The following NCKAP5 variants were observed in gnomAD, a reference collection of about 807,000 sequenced individuals.
The protein encoded by NCKAP5 is nck-associated protein 5.
A neutral mutation model predicts 167.0 loss-of-function variants in NCKAP5; 92 were observed. The observed-to-expected ratio is 0.55, with a 90% CI of 0.47 to 0.66. The LOEUF (loss-of-function observed/expected upper bound fraction) is 0.66. NCKAP5 is among the 30% of genes least tolerant of loss of function. The pLI is 0.00. For missense variants in NCKAP5, 2,378 were observed against 2,315.0 expected, an observed-to-expected ratio of 1.03 and a Z score of -0.56; for synonymous variants, 891 against 877.4, an observed-to-expected ratio of 1.02 and a Z score of -0.27.
chr2:132,987,745 T>G (rs1279734511), intron 7 of NCKAP5, among the ~76,000 whole-genome samples: 2 of 152,194 alleles, frequency 1.3e-5, no homozygotes, highest in Non-Finnish European at 2.9e-5. Context: ...TTAACCTCTC[T>G]ATGCTCTCCA....
chr2:133,465,343 AT>A (rs1275221838), intron 3 of NCKAP5, among the ~76,000 whole-genome samples: 1 of 151,904 alleles, frequency 6.6e-6, no homozygotes, highest in African/African-American at 2.4e-5. Flanking sequence ...TGAACTCATC[AT>A]TTTTTATGGC....
intron 3 of NCKAP5, among the ~76,000 whole-genome samples, chr2:133,328,403 A>G (rs989967931): frequency 8.5e-5 from 13 of 152,234 alleles, no homozygotes; most frequent in African/African-American, 2.9e-4. Context: ...CTGAGCTCTT[A>G]TAAGAATCAA....
chr2:133,030,463 C>T (rs183732593), intron 6 of NCKAP5, among the ~76,000 whole-genome samples: 1 of 152,232 alleles, frequency 6.6e-6, no homozygotes, highest in Non-Finnish European at 1.5e-5. Context: ...TAAATCCGAA[C>T]TTTATAGATA....
chr2:133,109,911 G>T (rs1035124612), intron 6 of NCKAP5, among the ~76,000 whole-genome samples: 6 of 152,148 alleles, frequency 3.9e-5, no homozygotes, highest in African/African-American at 1.4e-4. Context: ...AGAAACATGG[G>T]CATTCAAGTA....
At chr2:133,164,971 C>CA (rs1458059781) in intron 5 of NCKAP5, among the ~76,000 whole-genome samples, 1 of 152,176 alleles carries the variant, frequency 6.6e-6, no homozygotes, top group Non-Finnish European at 1.5e-5. Context: ...CTAGGTAACA[C>CA]AAAGTGTTGG....
At chr2:133,068,456 T>C (rs2080275022) in intron 6 of NCKAP5, among the ~76,000 whole-genome samples, 1 of 152,104 alleles carries the variant, frequency 6.6e-6, no homozygotes, top group Non-Finnish European at 1.5e-5. Context: ...GGCAGAGACA[T>C]GAACAAAGGA....
intron 19 of NCKAP5, among the ~76,000 whole-genome samples, chr2:132,710,405 A>T (rs983781837): frequency 6.6e-6 from 1 of 152,226 alleles, no homozygotes; most frequent in African/African-American, 2.4e-5. Context: ...AGAAGCACAT[A>T]TCCCTTTCAT....
chr2:132,893,897 C>T (rs1385657009), intron 8 of NCKAP5, among the ~76,000 whole-genome samples: 2 of 152,142 alleles, frequency 1.3e-5, no homozygotes, highest in African/African-American at 2.4e-5. Context: ...CACACACATA[C>T]ACACAAATGT....
At chr2:133,405,067 A>G (rs1211769888) in intron 3 of NCKAP5, among the ~76,000 whole-genome samples, 1 of 152,178 alleles carries the variant, frequency 6.6e-6, no homozygotes, top group African/African-American at 2.4e-5. Context: ...ACATCTCATT[A>G]TTCACAGTAG....
intron 4 of NCKAP5, among the ~76,000 whole-genome samples, chr2:133,294,770 T>G (rs1019537194): frequency 2.0e-5 from 3 of 152,248 alleles, no homozygotes; most frequent in Non-Finnish European, 2.9e-5. Flanking sequence ...GTTTTCCTAT[T>G]TCTGTTCTTA....
rs574322551 is a variant in NCKAP5 at position 133,428,464 on chromosome 2, T to C, written c.69+88994A>G. 2.6e-4 allele frequency among the ~76,000 whole-genome samples: 40 copies of C among 152,268 alleles called. 1 individual carries two copies. Among genetic ancestry groups the C allele is most frequent in the South Asian group, 2.5e-3 (12 of 4,830 alleles). ...TTCATTAGAACCCTATTTTACACAATGTGCAAAACCCATTCTTGAGGGATT... is the reference window on the plus strand; with the variant it reads ...TTCATTAGAACCCTATTTTACACAACGTGCAAAACCCATTCTTGAGGGATT... On this transcript the variant is annotated intron_variant, in intron 3 of 19. Transcript: ENST00000409261.
chr2:133,064,807 C>T (rs2080131829), intron 6 of NCKAP5, among the ~76,000 whole-genome samples: 1 of 152,210 alleles, frequency 6.6e-6, no homozygotes, highest in African/African-American at 2.4e-5. Context: ...ATCTCTCTCT[C>T]TGAGCATAGC....
chr2:133,351,310 T>C (rs79420706), intron 3 of NCKAP5, among the ~76,000 whole-genome samples: 2,160 of 152,272 alleles, frequency 0.014, 53 homozygotes, highest in African/African-American at 0.049. Flanking sequence ...AAAACCAAGC[T>C]TTGGAATGAG....
chr2:133,411,659 C>T (rs978157837), intron 3 of NCKAP5, among the ~76,000 whole-genome samples: 1 of 152,074 alleles, frequency 6.6e-6, no homozygotes, highest in African/African-American at 2.4e-5. Context: ...GTGCGGATAT[C>T]TTTGTGTACT....
At chr2:132,904,032 T>C (rs572691587) in intron 8 of NCKAP5, among the ~76,000 whole-genome samples, 11 of 152,292 alleles carry the variant, frequency 7.2e-5, no homozygotes, top group Non-Finnish European at 1.5e-5. Context: ...CTCACGCCTG[T>C]AATCCCAGCA....
At chr2:133,439,356 C>T (rs1443631648) in intron 3 of NCKAP5, among the ~76,000 whole-genome samples, 1 of 152,100 alleles carries the variant, frequency 6.6e-6, no homozygotes, top group Non-Finnish European at 1.5e-5. Context: ...AATGATTGTA[C>T]TTGGATATAT....
intron 3 of NCKAP5, among the ~76,000 whole-genome samples, chr2:133,337,008 A>G (rs1683255918): frequency 6.6e-6 from 1 of 152,184 alleles, no homozygotes; most frequent in Admixed American, 6.5e-5. Flanking sequence ...ACCAAACAAC[A>G]AACATTGTCA....
At chr2:133,357,495 T>C (rs1684822019) in intron 3 of NCKAP5, among the ~76,000 whole-genome samples, 3 of 152,184 alleles carry the variant, frequency 2.0e-5, no homozygotes, top group Non-Finnish European at 4.4e-5. Flanking sequence ...TAAACCAATT[T>C]AATTAACATT....
intron 5 of NCKAP5, among the ~76,000 whole-genome samples, chr2:133,192,213 A>T (rs2085256751): frequency 1.3e-5 from 2 of 152,100 alleles, no homozygotes; most frequent in African/African-American, 4.8e-5. Context: ...GTCTTCAAAA[A>T]ATAGTGGAAA....
Sources: gnomAD v4.1 joint callset for allele counts (sites outside exome capture counted in the v4.1 genomes callset) on GRCh38, gnomAD v4.1.1 for gene constraint, MANE v1.5 for transcripts, NCBI Gene and HGNC (gene_info 2026-07-23, HGNC 2026-07-21) for gene names.